The following ARHGAP42 variants were observed in gnomAD, a reference collection of about 807,000 sequenced individuals.
The protein encoded by ARHGAP42 is Rho GTPase activating protein 42.
A neutral mutation model predicts 125.0 loss-of-function variants in ARHGAP42; 63 were observed. That is an observed-to-expected ratio of 0.50 (90% CI 0.41 to 0.62). ARHGAP42 has a LOEUF of 0.62. ARHGAP42 is among the 20% of genes least tolerant of loss of function. ARHGAP42 has a pLI of 0.00. For synonymous variants in ARHGAP42, 339 were observed against 351.0 expected (o/e 0.97, Z 0.38); for missense variants, 766 against 1,024.2 (o/e 0.75, Z 3.44).
intron 3 of ARHGAP42, among the ~76,000 whole-genome samples, chr11:100,795,738 A>G (rs572158381): frequency 6.6e-6 from 1 of 152,342 alleles, no homozygotes; most frequent in African/African-American, 2.4e-5. Flanking sequence ...AATGTTTTCA[A>G]ATATCTGTGA....
At chr11:100,978,226 G>A (rs1411688133) in intron 21 of ARHGAP42, among the ~76,000 whole-genome samples, 2 of 152,118 alleles carry the variant, frequency 1.3e-5, no homozygotes, top group Non-Finnish European at 2.9e-5. Flanking sequence ...TAAAGTGTGT[G>A]TTCTATATTA....
intron 4 of ARHGAP42, among the ~76,000 whole-genome samples, chr11:100,907,487 G>C (rs988100819): frequency 9.2e-5 from 14 of 152,192 alleles, no homozygotes; most frequent in Non-Finnish European, 2.1e-4. Context: ...GCCATTTTGG[G>C]ATGTCTGGAT....
intron 3 of ARHGAP42, among the ~76,000 whole-genome samples, chr11:100,833,750 C>T (rs1244592001): frequency 1.3e-5 from 2 of 152,104 alleles, no homozygotes; most frequent in Non-Finnish European, 2.9e-5. Context: ...CTAGCCCCTG[C>T]ACCCACATAG....
chr11:100,955,985 C>T (rs779502217), intron 12 of ARHGAP42, among the ~76,000 whole-genome samples: 5 of 152,122 alleles, frequency 3.3e-5, no homozygotes, highest in South Asian at 2.1e-4. Context: ...GTGACTACTT[C>T]ATCCACAGTC....
At chr11:100,837,671 T>TTTTTTTTTTA (rs1864833714) in intron 3 of ARHGAP42, among the ~76,000 whole-genome samples, 1 of 95,396 alleles carries the variant, frequency 1.0e-5, no homozygotes, top group Non-Finnish European at 2.0e-5. Context: ...TCATCCTTTT[T>TTTTTTTTTTA]TTTTTTTTTT....
At chr11:100,920,513 ACTCC>A (rs1867208735) in intron 5 of ARHGAP42, among the ~76,000 whole-genome samples, 4 of 152,040 alleles carry the variant, frequency 2.6e-5, no homozygotes, top group African/African-American at 7.2e-5. Context: ...GATACTTAGT[ACTCC>A]AGAAAGCCCC....
In ARHGAP42 at chr11:100,737,660, C is replaced by T. The variant is rs182974859; in HGVS notation, c.155-32683C>T. Reference sequence around the variant, plus strand: ...CCTTGCTCACCACTTACTCTTACCACAAGGTCCTGTGTCAGGCCCAGCAAT... The same window carrying T: ...CCTTGCTCACCACTTACTCTTACCATAAGGTCCTGTGTCAGGCCCAGCAAT... On this transcript the variant is annotated intron_variant, in intron 1 of 23. Transcript: ENST00000298815. Among the ~76,000 whole-genome samples, 6 of 152,316 alleles carry T rather than the reference C, an allele frequency of 3.9e-5. No individual in the cohort carries two copies. In the East Asian group the frequency reaches 1.2e-3, roughly 29 times the overall value.
chr11:100,777,378 A>G (rs747356702), intron 2 of ARHGAP42, among the ~76,000 whole-genome samples: 1 of 152,204 alleles, frequency 6.6e-6, no homozygotes, highest in African/African-American at 2.4e-5. Flanking sequence ...GTGATCTTGG[A>G]TACCTGATCT....
rs371841842 is a variant in ARHGAP42, at chr11:100,723,475, T to C, written c.154+35643T>C. On this transcript the variant is annotated intron_variant, in intron 1 of 23. Transcript: ENST00000298815. The stretch of plus-strand genomic sequence containing the variant: ...TTCTTTCATCAGAGGTTTCCTCATA[T>C]AGATCTTAGATATATTTTGTTAGAT... Among the ~76,000 whole-genome samples, 6 of 152,214 alleles carry C rather than the reference T, an allele frequency of 3.9e-5. No individual in the cohort carries two copies. The East Asian group carries it at 7.7e-4, about 20-fold the overall frequency.
At chr11:100,959,372 G>T (rs1007487746) in intron 12 of ARHGAP42, among the ~76,000 whole-genome samples, 13 of 152,064 alleles carry the variant, frequency 8.5e-5, no homozygotes, top group Admixed American at 8.5e-4. Context: ...ATAGAACATG[G>T]AGCGTAGAAT....
At chr11:100,864,421 A>T (rs1865520003) in intron 4 of ARHGAP42, among the ~76,000 whole-genome samples, 1 of 152,042 alleles carries the variant, frequency 6.6e-6, no homozygotes, top group African/African-American at 2.4e-5. Context: ...ACCTCAAGTG[A>T]TCCGCCCGCC....
intron 7 of ARHGAP42, among the ~76,000 whole-genome samples, chr11:100,935,483 G>A (rs1197641687): frequency 1.3e-5 from 2 of 152,152 alleles, no homozygotes; most frequent in Admixed American, 6.6e-5. Flanking sequence ...TGTATCAAAA[G>A]TATATGAATT....
rs1866635529 is a variant in ARHGAP42 at position 100,903,730 on chromosome 11, A to ATATATATC, written c.385-9715_385-9714insCTATATAT. Among the ~76,000 whole-genome samples the ATATATATC allele has an allele frequency of 3.9e-5, 4 of 101,794 alleles. No individual in the cohort carries two copies. The Admixed American group carries it at 4.3e-4, about 11-fold the overall frequency. The allele number at this position is 101,794 out of a possible 152,430, so 66.8% of individuals were successfully genotyped here. A position where few individuals can be genotyped will look rare whatever the true frequency, so the allele number is the denominator to read the frequency against. ...TCAAAATATATATATATATATATAT[A>ATATATATC]TATATATATATATATATATATATAT... On this transcript the variant is annotated intron_variant, in intron 4 of 23. Transcript: ENST00000298815.
chr11:100,903,710 ATATATATATATATATATAT>A (rs1307561441), intron 4 of ARHGAP42, among the ~76,000 whole-genome samples: 15 of 56,408 alleles, frequency 2.7e-4, no homozygotes, highest in South Asian at 1.8e-3. Context: ...GTCCCTCAAA[ATATATATATATATATATAT>A]ATATATATAT....
intron 11 of ARHGAP42, among the ~76,000 whole-genome samples, chr11:100,949,269 C>G (rs1426620899): frequency 1.3e-5 from 2 of 152,036 alleles, no homozygotes; most frequent in Non-Finnish European, 2.9e-5. Flanking sequence ...AACTGTGTTA[C>G]CAGTCCACAG....
intron 8 of ARHGAP42, among the ~76,000 whole-genome samples, chr11:100,937,313 C>T (rs1048605109): frequency 1.1e-4 from 16 of 152,210 alleles, no homozygotes; most frequent in African/African-American, 3.4e-4. Flanking sequence ...CTATAGTTAG[C>T]GCATAATAAG....
intron 1 of ARHGAP42, among the ~76,000 whole-genome samples, chr11:100,688,493 G>A (rs1861128849): frequency 6.6e-6 from 1 of 152,162 alleles, no homozygotes; most frequent in Non-Finnish European, 1.5e-5. Flanking sequence ...TTGATGATCT[G>A]TAGAATATAA....
intron 4 of ARHGAP42, among the ~76,000 whole-genome samples, chr11:100,863,363 C>T (rs968963805): frequency 6.6e-6 from 1 of 152,158 alleles, no homozygotes; most frequent in African/African-American, 2.4e-5. Flanking sequence ...CTGCAGTCAG[C>T]GACCTCTTCA....
chr11:100,905,853 C>A (rs1866719548), intron 4 of ARHGAP42, among the ~76,000 whole-genome samples: 1 of 152,148 alleles, frequency 6.6e-6, no homozygotes, highest in South Asian at 2.1e-4. Flanking sequence ...TGGCGCATGA[C>A]TGTGTTTCCA....
Sources: gnomAD v4.1 joint callset for allele counts (sites outside exome capture counted in the v4.1 genomes callset) on GRCh38, gnomAD v4.1.1 for gene constraint, MANE v1.5 for transcripts, NCBI Gene and HGNC (gene_info 2026-07-23, HGNC 2026-07-21) for gene names.